Variants in TCEANC2 observed in about 807,000 individuals in gnomAD.
The protein encoded by TCEANC2 is transcription elongation factor A N-terminal and central domain-containing protein 2.
A neutral mutation model predicts 22.8 loss-of-function variants in TCEANC2; 20 were observed. The ratio of observed to expected loss-of-function variants is 0.88; its 90% CI spans 0.62 to 1.28. The LOEUF (loss-of-function observed/expected upper bound fraction) is 1.28. TCEANC2 is among the 50% of genes most tolerant of loss of function. TCEANC2 has a pLI of 0.00. For synonymous variants in TCEANC2, 84 were observed against 95.5 expected (o/e 0.88, Z 0.70); for missense variants, 251 against 249.7 (o/e 1.01, Z -0.03).
At chr1:54,109,478 ACT>A (rs1658809121), downstream of TCEANC2, among the ~76,000 whole-genome samples, 1 of 151,866 alleles carries the variant, frequency 6.6e-6, no homozygotes, top group African/African-American at 2.4e-5. Flanking sequence ...AGGTGAGGAA[ACT>A]CCTAAGTAAA....
intron 3 of TCEANC2, among the ~76,000 whole-genome samples, chr1:54,075,842 T>C (rs1032918412): frequency 6.6e-6 from 1 of 151,922 alleles, no homozygotes; most frequent in East Asian, 1.9e-4. Flanking sequence ...GGTGAAACCT[T>C]GTCTTTACTA....
Position 54,104,572 on chromosome 1 carries a change from GTC to G in TCEANC2, c.*8103_*8104del. On this transcript the variant is annotated 3_prime_UTR_variant, in exon 5 of 5. Coordinates refer to ENST00000234827, the MANE Select transcript of TCEANC2 (RefSeq NM_153035.3). The stretch of plus-strand genomic sequence containing the variant: ...TTTCTTTTTCTTTTTCAGAGGTGGA[GTC>G]TCTGTCACCCAGGCTGGAGTGCAGT... 1 of 454,542 alleles carries G rather than the reference GTC, an allele frequency of 2.2e-6. No homozygotes were observed. Among genetic ancestry groups the G allele is most frequent in the South Asian group, 1.6e-5 (1 of 64,274 alleles). 28.2% of individuals were successfully genotyped at this position (454,542 alleles called of 1,614,324 possible). A position where few individuals can be genotyped will look rare whatever the true frequency, so the allele number is the denominator to read the frequency against.
chr1:54,054,564 C>T (rs973561552), intron 2 of TCEANC2, 40 bp downstream of exon 2: 2 of 1,575,646 alleles, frequency 1.3e-6, no homozygotes, highest in East Asian at 2.3e-5. Context: ...GTGCAAAGGA[C>T]TGATAGCAAG....
Position 54,104,893 on chromosome 1 carries a change from A to T in TCEANC2, c.*8420A>T, listed in dbSNP as rs1658724070. 3 of 282,418 alleles carry T rather than the reference A, an allele frequency of 1.1e-5. No individual in the cohort carries two copies. Among genetic ancestry groups the T allele is most frequent in the Non-Finnish European group, 2.2e-5 (3 of 138,030 alleles). 17.5% of individuals were successfully genotyped at this position (282,418 alleles called of 1,614,324 possible). On this transcript the variant is annotated 3_prime_UTR_variant, in exon 5 of 5. Transcript: ENST00000234827. The stretch of plus-strand genomic sequence containing the variant: ...ATACAAGTGCCCAGACCGTGACCTG[A>T]GCAGGATATGCTGACTTCAGGCTCA...
rs767617829 is a variant in TCEANC2 at position 54,054,401 on chromosome 1, A to G, written c.-22A>G. On this transcript the variant is annotated 5_prime_UTR_variant, in exon 2 of 5. Coordinates refer to ENST00000234827, the MANE Select transcript of TCEANC2 (RefSeq NM_153035.3). ...ACCAGAACACGCTGCAAGCACGTCA[A>G]GGTAGTCGGAGTCCCCTAACAATGG... 9 of 1,613,800 alleles carry G rather than the reference A, an allele frequency of 5.6e-6. No individual in the cohort carries two copies. The highest frequency in any genetic ancestry group is 2.7e-5 in the African/African-American group (2 of 74,916).
At chr1:54,091,529 T>A (rs1208788688) in intron 4 of TCEANC2, among the ~76,000 whole-genome samples, 1 of 152,222 alleles carries the variant, frequency 6.6e-6, no homozygotes, top group East Asian at 1.9e-4. Context: ...AAAAAATGTT[T>A]CCATGTTGTT....
At chr1:54,108,351 T>C (rs533830197), downstream of TCEANC2, among the ~76,000 whole-genome samples, 2 of 152,318 alleles carry the variant, frequency 1.3e-5, no homozygotes, top group Admixed American at 1.3e-4. Flanking sequence ...TACCCCAGAA[T>C]GTGACTGTAT....
At chr1:54,078,623 A>C (rs1382552060) in intron 3 of TCEANC2, among the ~76,000 whole-genome samples, 1 of 152,208 alleles carries the variant, frequency 6.6e-6, no homozygotes, top group Non-Finnish European at 1.5e-5. Context: ...AATGTCCAGC[A>C]GGAGGTTGGA....
chr1:54,082,826 G>A (rs1185298583), intron 3 of TCEANC2, among the ~76,000 whole-genome samples: 1 of 152,120 alleles, frequency 6.6e-6, no homozygotes, highest in Non-Finnish European at 1.5e-5. Flanking sequence ...GAGAACCATC[G>A]GAGGATTTTT....
In TCEANC2 at chr1:54,072,989, A is replaced by G. The variant is rs185441344; in HGVS notation, c.244+4092A>G. On this transcript the variant is annotated intron_variant, in intron 3 of 4. Coordinates refer to ENST00000234827, the MANE Select transcript of TCEANC2 (RefSeq NM_153035.3). Reference sequence around the variant, plus strand: ...CTTTTAACTTTATTTTTTTTGAGACAGGGTCTCACTCTGACTCCCAAGCCG... The same window carrying G: ...CTTTTAACTTTATTTTTTTTGAGACGGGGTCTCACTCTGACTCCCAAGCCG... Among the ~76,000 whole-genome samples, 5 of 152,010 alleles carry G rather than the reference A, an allele frequency of 3.3e-5. No homozygotes were observed. The East Asian group carries it at 9.7e-4, about 30-fold the overall frequency.
intron 3 of TCEANC2, among the ~76,000 whole-genome samples, chr1:54,084,263 T>A (rs1557692029): frequency 6.6e-6 from 1 of 152,160 alleles, no homozygotes; most frequent in Admixed American, 6.5e-5. Context: ...TCCACCCACC[T>A]CAGCCTCCCA....
chr1:54,080,842 C>T (rs772998629), intron 3 of TCEANC2, among the ~76,000 whole-genome samples: 1 of 152,216 alleles, frequency 6.6e-6, no homozygotes, highest in Non-Finnish European at 1.5e-5. Context: ...CAGCCAGTGG[C>T]ACTGCTTACT....
rs1338702891 is a variant in TCEANC2, at chr1:54,105,444, T to C, written c.*8971T>C. On this transcript the variant is annotated 3_prime_UTR_variant, in exon 5 of 5. Coordinates refer to ENST00000234827, the MANE Select transcript of TCEANC2 (RefSeq NM_153035.3). ...CCCATGAGACTGGCTGAGGTCTTCA[T>C]ACAGCATCGGAGCCCAATTTATCTC... The C allele has an allele frequency of 2.6e-5, 4 of 152,248 alleles. No homozygotes were observed. 9.4% of individuals were successfully genotyped at this position (152,248 alleles called of 1,614,324 possible).
exon 5 of TCEANC2, chr1:54,111,590 G>A (rs1388173246): frequency 1.3e-5 from 2 of 152,198 alleles, no homozygotes; most frequent in East Asian, 1.9e-4. Flanking sequence ...TTGCTCCCGG[G>A]TGAGGCCTAA....
intron 4 of TCEANC2, among the ~76,000 whole-genome samples, chr1:54,094,856 T>C (rs965687718): frequency 6.6e-6 from 1 of 152,232 alleles, no homozygotes; most frequent in African/African-American, 2.4e-5. Flanking sequence ...TATAGATCAT[T>C]GGCTGGGTGC....
intron 4 of TCEANC2, among the ~76,000 whole-genome samples, chr1:54,091,889 A>T (rs1658453691): frequency 6.6e-6 from 1 of 152,228 alleles, no homozygotes; most frequent in South Asian, 2.1e-4. Context: ...TAAAAAAATG[A>T]ACCTGATTCT....
intron 2 of TCEANC2, among the ~76,000 whole-genome samples, chr1:54,064,304 C>T (rs1657908689): frequency 6.6e-6 from 1 of 152,102 alleles, no homozygotes; most frequent in African/African-American, 2.4e-5. Context: ...GCGTTTTGAA[C>T]AAAGAATTGG....
intron 4 of TCEANC2, among the ~76,000 whole-genome samples, chr1:54,090,482 T>C (rs1658421825): frequency 6.6e-6 from 1 of 152,238 alleles, no homozygotes; most frequent in South Asian, 2.1e-4. Flanking sequence ...AGAATATTGA[T>C]GTAATTATTT....
chr1:54,061,285 T>C (rs1657849884), intron 2 of TCEANC2, among the ~76,000 whole-genome samples: 1 of 152,232 alleles, frequency 6.6e-6, no homozygotes, highest in Non-Finnish European at 1.5e-5. Flanking sequence ...TAAGCCTCAG[T>C]TTCCTCATCA....
Sources: allele counts gnomAD v4.1 joint callset (sites outside exome capture counted in the v4.1 genomes callset), GRCh38; gene constraint gnomAD v4.1.1; transcripts MANE v1.5; gene names NCBI Gene and HGNC (gene_info 2026-07-23, HGNC 2026-07-21).